Variants in WDR70 observed in about 807,000 individuals in gnomAD.
WDR70 encodes WD repeat-containing protein 70.
In WDR70, 53 loss-of-function variants were observed where a neutral mutation model predicts 88.6. That is an observed-to-expected ratio of 0.60 (90% confidence interval 0.48 to 0.75). The LOEUF (loss-of-function observed/expected upper bound fraction) is 0.75. Ranked by LOEUF, WDR70 falls within the 30% of genes least tolerant of loss-of-function variation. The pLI is 0.00. For synonymous variants in WDR70, 280 were observed against 270.0 expected, an observed-to-expected ratio of 1.04 and a Z score of -0.36; for missense variants, 610 against 823.2, an observed-to-expected ratio of 0.74 and a Z score of 3.17.
chr5:37,602,771 G>A (rs1453221820), intron 9 of WDR70, among the ~76,000 whole-genome samples: 1 of 151,868 alleles, frequency 6.6e-6, no homozygotes, highest in Non-Finnish European at 1.5e-5. Flanking sequence ...AAGGTCAGGA[G>A]TTTGAGACCA....
At chr5:37,685,150 G>C (rs1472100317) in intron 10 of WDR70, among the ~76,000 whole-genome samples, 3 of 152,088 alleles carry the variant, frequency 2.0e-5, no homozygotes, top group African/African-American at 7.2e-5. Flanking sequence ...GGGCTGATGG[G>C]CTCTGTGCCC....
In WDR70 at chr5:37,388,066, T is replaced by A. The variant is rs181198583; in HGVS notation, c.176-3934T>A. On this transcript the variant is annotated intron_variant, in intron 3 of 17. Coordinates refer to ENST00000265107, the MANE Select transcript of WDR70 (RefSeq NM_018034.4). Reference sequence around the variant, plus strand: ...TGATAATGGTACAAATTTTTTTTAATGTTTTTTATGTTCTTGAAAGCTATA... The same window carrying A: ...TGATAATGGTACAAATTTTTTTTAAAGTTTTTTATGTTCTTGAAAGCTATA... Among the ~76,000 whole-genome samples the A allele has an allele frequency of 2.3e-3, 343 of 152,272 alleles. 2 individuals carry two copies. Among genetic ancestry groups the A allele is most frequent in the African/African-American group, 8.0e-3 (333 of 41,552 alleles).
At chr5:37,414,724 T>A (rs1749640816) in intron 5 of WDR70, among the ~76,000 whole-genome samples, 1 of 152,098 alleles carries the variant, frequency 6.6e-6, no homozygotes, top group Non-Finnish European at 1.5e-5. Context: ...TGGGCATGGC[T>A]ACTTTCTTCC....
chr5:37,724,801 A>G, intron 15 of WDR70, 133 bp from the exon 16 acceptor site: 1 of 918,692 alleles, frequency 1.1e-6, no homozygotes, highest in East Asian at 2.5e-5. Flanking sequence ...TTACAGTAAG[A>G]CTGTCTTTTA....
At chr5:37,470,507 C>G (rs75222193) in intron 7 of WDR70, among the ~76,000 whole-genome samples, 1 of 152,156 alleles carries the variant, frequency 6.6e-6, no homozygotes, top group Non-Finnish European at 1.5e-5. Flanking sequence ...TACCCACAAC[C>G]TTCTCATCCT....
intron 9 of WDR70, among the ~76,000 whole-genome samples, chr5:37,595,668 T>G (rs2112456603): frequency 6.6e-6 from 1 of 152,330 alleles, no homozygotes; most frequent in Non-Finnish European, 1.5e-5. Flanking sequence ...CTAGAGAACT[T>G]ACTTTACTCA....
At chr5:37,418,455 G>T (rs959099465) in intron 5 of WDR70, among the ~76,000 whole-genome samples, 10 of 152,072 alleles carry the variant, frequency 6.6e-5, no homozygotes, top group African/African-American at 2.2e-4. Context: ...GAGTAGCTGG[G>T]ACTACAGGCA....
chr5:37,392,846 C>T (rs146872534), intron 4 of WDR70, among the ~76,000 whole-genome samples: 2,553 of 151,846 alleles, frequency 0.017, 58 homozygotes, highest in African/African-American at 0.059. Flanking sequence ...GGGGTTTCAC[C>T]ATGTTGGTCA....
intron 7 of WDR70, among the ~76,000 whole-genome samples, chr5:37,455,725 A>T (rs1738817303): frequency 7.2e-6 from 1 of 138,178 alleles, no homozygotes; most frequent in South Asian, 2.2e-4. Flanking sequence ...TGAACTTTTT[A>T]AAAGTCACAT....
chr5:37,693,397 T>G (rs1746870517), intron 10 of WDR70, among the ~76,000 whole-genome samples: 1 of 152,050 alleles, frequency 6.6e-6, no homozygotes, highest in African/African-American at 2.4e-5. Context: ...GAGCCCGCAT[T>G]GCCAACACAA....
chr5:37,663,771 A>T (rs1745764956), intron 10 of WDR70, among the ~76,000 whole-genome samples: 1 of 152,096 alleles, frequency 6.6e-6, no homozygotes, highest in Non-Finnish European at 1.5e-5. Flanking sequence ...GCCAAGGAAG[A>T]GGTCTTTCTC....
intron 9 of WDR70, among the ~76,000 whole-genome samples, chr5:37,585,620 C>T (rs1161107483): frequency 6.6e-6 from 1 of 152,118 alleles, no homozygotes; most frequent in Non-Finnish European, 1.5e-5. Context: ...CTGTCTTCTC[C>T]AATTCTCCAT....
rs1357612344 is a variant in WDR70 at position 37,678,540 on chromosome 5, A to G, written c.1093-19115A>G. Among the ~76,000 whole-genome samples the G allele has an allele frequency of 7.2e-5, 11 of 152,218 alleles. No homozygotes were observed. The East Asian group carries it at 2.1e-3, about 29-fold the overall frequency. On this transcript the variant is annotated intron_variant, in intron 10 of 17. Coordinates refer to ENST00000265107, the MANE Select transcript of WDR70 (RefSeq NM_018034.4). ...TTCTGGGTTGAAAATTCTTTTCTTT[A>G]AGAATGTTGAATATTGGCCCCCACT...
chr5:37,509,070 C>G (rs1349173033), intron 8 of WDR70, among the ~76,000 whole-genome samples: 2 of 152,160 alleles, frequency 1.3e-5, no homozygotes, highest in African/African-American at 4.8e-5. Flanking sequence ...GATATATCTC[C>G]TAATTTTCCC....
At chr5:37,396,636 G>A in intron 5 of WDR70, 66 bp downstream of exon 5, 2 of 1,462,642 alleles carry the variant, frequency 1.4e-6, no homozygotes, top group Non-Finnish European at 1.8e-6. Flanking sequence ...GATCAGTTCT[G>A]CTAAACTGTT....
chr5:37,558,498 T>G (rs2112368582), intron 9 of WDR70, among the ~76,000 whole-genome samples: 1 of 152,006 alleles, frequency 6.6e-6, no homozygotes, highest in East Asian at 1.9e-4. Context: ...AAAAAAAATT[T>G]TTTTTTTTTT....
chr5:37,674,415 A>G (rs1479908238), intron 10 of WDR70, among the ~76,000 whole-genome samples: 3 of 151,832 alleles, frequency 2.0e-5, no homozygotes, highest in Non-Finnish European at 4.4e-5. Flanking sequence ...CCAGAGTGTG[A>G]TGTTCCCCTT....
At chr5:37,613,734 T>C (rs568663882) in intron 10 of WDR70, among the ~76,000 whole-genome samples, 1 of 152,304 alleles carries the variant, frequency 6.6e-6, no homozygotes, top group South Asian at 2.1e-4. Context: ...CCAGGCAATA[T>C]TTTAAGCACT....
chr5:37,418,889 G>A (rs1749850577), intron 5 of WDR70, among the ~76,000 whole-genome samples: 1 of 151,922 alleles, frequency 6.6e-6, no homozygotes, highest in Admixed American at 6.6e-5. Flanking sequence ...TCAGCCTCCT[G>A]GGTAGCTGGG....
Sources: allele counts gnomAD v4.1 joint callset (sites outside exome capture counted in the v4.1 genomes callset), GRCh38; gene constraint gnomAD v4.1.1; transcripts MANE v1.5; gene names NCBI Gene and HGNC (gene_info 2026-07-23, HGNC 2026-07-21).